MIPOL1: variants seen among roughly 807,000 people sequenced by gnomAD.
MIPOL1 encodes mirror-image polydactyly 1, also known as mirror-image polydactyly gene 1 protein.
A neutral mutation model predicts 60.9 loss-of-function variants in MIPOL1; 57 were observed. The ratio of observed to expected loss-of-function variants is 0.94; its 90% confidence interval spans 0.76 to 1.17. The LOEUF (loss-of-function observed/expected upper bound fraction) is 1.17. MIPOL1 is among the 50% of genes most tolerant of loss of function. The pLI, the probability that MIPOL1 is intolerant of heterozygous loss-of-function variation, is 0.00. For synonymous variants in MIPOL1, 179 were observed against 168.8 expected, an observed-to-expected ratio of 1.06 and a Z score of -0.47; for missense variants, 551 against 511.6, an observed-to-expected ratio of 1.08 and a Z score of -0.74.
intron 9 of MIPOL1, among the ~76,000 whole-genome samples, chr14:37,350,810 A>G (rs985519482): frequency 2.6e-5 from 4 of 152,158 alleles, no homozygotes; most frequent in African/African-American, 9.7e-5. Flanking sequence ...AGATCCCACA[A>G]ATAAGTGAGA....
At chr14:37,244,723 C>G (rs1283655528) in intron 1 of MIPOL1, among the ~76,000 whole-genome samples, 1 of 151,938 alleles carries the variant, frequency 6.6e-6, no homozygotes, top group Non-Finnish European at 1.5e-5. Context: ...ATCTGATTGT[C>G]TACTGTAAAA....
chr14:37,270,450 G>C lies in MIPOL1; in HGVS notation c.418G>C (p.Glu140Gln). 1 of 1,598,866 alleles carries C rather than the reference G, an allele frequency of 6.3e-7. No homozygotes were observed. Among genetic ancestry groups the C allele is most frequent in the South Asian group, 1.1e-5 (1 of 88,800 alleles). ...GCAGAAATTGGCTAAAGAAGATAAA[G>C]AACAGAGAAAACTAAAGTTTAAGCT... ...LQQKLAKEDK[E>Q]QRKLKFKLEL... is the part of the protein sequence containing the mutation. Residue 140 changes from glutamate (E) to glutamine (Q), a missense_variant, in exon 6 of 13, where the codon GAA becomes CAA. Physicochemically the swap from Glu to Gln is conservative, Grantham distance 29 (BLOSUM62 2). Transcript: ENST00000684589.
intron 10 of MIPOL1, among the ~76,000 whole-genome samples, chr14:37,375,893 C>A (rs1478021569): frequency 1.3e-5 from 2 of 152,032 alleles, no homozygotes; most frequent in Non-Finnish European, 2.9e-5. Context: ...TTTTCTGTCA[C>A]CATATCTCCA....
At position 37,481,560 on chromosome 14, in the gene MIPOL1, A is replaced by AACACACACACACAC. The variant is rs3062719; in HGVS notation, c.1032-18309_1032-18296dup. Among the ~76,000 whole-genome samples the AACACACACACACAC allele has an allele frequency of 2.6e-3, 297 of 113,184 alleles. 6 individuals are homozygous for AACACACACACACAC. Among genetic ancestry groups the AACACACACACACAC allele is most frequent in the African/African-American group, 6.6e-3 (182 of 27,662 alleles). The allele number at this position is 113,184 out of a possible 152,430, so 74.3% of individuals were successfully genotyped here. The stretch of plus-strand genomic sequence containing the variant: ...CATGGAACTCATATGGACCCCCCCC[A>AACACACACACACAC]ACACACACACACACACACACACACA... On this transcript the variant is annotated intron_variant, in intron 11 of 12. Transcript: ENST00000684589.
chr14:37,549,729 A>T lies in MIPOL1; in HGVS notation c.*2758A>T, dbSNP rs1314556715. ...TTTTCAATGAAGTACAATAATGTGA[A>T]CTGCATGTGTAAACAGCATCACATT... On this transcript the variant is annotated 3_prime_UTR_variant, in exon 13 of 13. Transcript: ENST00000684589. The T allele has an allele frequency of 6.6e-6, 1 of 151,996 alleles. No individual in the cohort carries two copies. The highest frequency in any genetic ancestry group is 1.5e-5 in the Non-Finnish European group (1 of 67,866). 9.4% of individuals were successfully genotyped at this position (151,996 alleles called of 1,614,324 possible). A position where few individuals can be genotyped will look rare whatever the true frequency, so the allele number is the denominator to read the frequency against.
At chr14:37,304,522 A>T (rs2086624404) in intron 7 of MIPOL1, among the ~76,000 whole-genome samples, 1 of 151,726 alleles carries the variant, frequency 6.6e-6, no homozygotes, top group African/African-American at 2.4e-5. Flanking sequence ...GTGTGTAGAA[A>T]ATGAGAGAGA....
chr14:37,220,819 G>A (rs993324109), intron 1 of MIPOL1, among the ~76,000 whole-genome samples: 64 of 151,804 alleles, frequency 4.2e-4, no homozygotes, highest in African/African-American at 1.3e-3. Flanking sequence ...TCTGTCCCCC[G>A]GGCTGGAGTG....
At chr14:37,211,784 G>T (rs745925240) in intron 1 of MIPOL1, among the ~76,000 whole-genome samples, 7 of 151,900 alleles carry the variant, frequency 4.6e-5, no homozygotes, top group Admixed American at 3.9e-4. Flanking sequence ...CTAACCCCAG[G>T]CTGCGTAGCT....
chr14:37,283,197 C>T (rs1172553195), intron 6 of MIPOL1, among the ~76,000 whole-genome samples: 1 of 152,134 alleles, frequency 6.6e-6, no homozygotes, highest in Non-Finnish European at 1.5e-5. Context: ...TCCTCAGTAG[C>T]TGAGATCACG....
At chr14:37,259,889 C>T (rs969739157) in intron 3 of MIPOL1, among the ~76,000 whole-genome samples, 13 of 152,058 alleles carry the variant, frequency 8.5e-5, no homozygotes, top group African/African-American at 3.1e-4. Flanking sequence ...ACCGGGACTA[C>T]CTCATTCTGC....
Position 37,546,899 on chromosome 14 carries a change from A to G in MIPOL1, c.1263-6A>G, listed in dbSNP as rs777852979. ...CCTTCTCACCCCCATCCCAACCCCA[A>G]CTTAGGTTGGAAAGGCTGGTGGATG... On this transcript the variant is annotated splice_polypyrimidine_tract_variant and splice_region_variant and intron_variant, in intron 12 of 12. Transcript: ENST00000684589. 2.5e-5 allele frequency: 40 copies of G among 1,612,580 alleles called. No homozygotes were observed. The highest frequency in any genetic ancestry group is 6.7e-5 in the East Asian group (3 of 44,828).
At chr14:37,407,842 C>T (rs1176447839) in intron 10 of MIPOL1, among the ~76,000 whole-genome samples, 83 of 58,080 alleles carry the variant, frequency 1.4e-3, no homozygotes, top group African/African-American at 4.3e-3. Flanking sequence ...TCTTCTTCTT[C>T]TTCTTTTTTT....
At chr14:37,477,596 A>G (rs917323447) in intron 11 of MIPOL1, among the ~76,000 whole-genome samples, 1 of 152,184 alleles carries the variant, frequency 6.6e-6, no homozygotes, top group African/African-American at 2.4e-5. Flanking sequence ...CAAAGTGTAA[A>G]ACTTTTTGAG....
At chr14:37,497,259 A>G (rs544022566) in intron 11 of MIPOL1, among the ~76,000 whole-genome samples, 7 of 152,310 alleles carry the variant, frequency 4.6e-5, no homozygotes, top group African/African-American at 1.4e-4. Context: ...CTAAAACACC[A>G]AAAGCAATGG....
rs955196109 is a variant in MIPOL1 at position 37,369,406 on chromosome 14, A to C, written c.829-111A>C. 1.6e-5 allele frequency: 10 copies of C among 620,260 alleles called. No homozygotes were observed. The African/African-American group carries it at 1.9e-4, about 12-fold the overall frequency. 38.4% of individuals were successfully genotyped at this position (620,260 alleles called of 1,614,324 possible). A position where few individuals can be genotyped will look rare whatever the true frequency, so the allele number is the denominator to read the frequency against. ...TACTTACCATTCTTGTTGCAAAAAA[A>C]AAACCTTGTCTTTTAGAGAATACAA... is the stretch of plus-strand genomic sequence containing the variant. On this transcript the variant is annotated intron_variant, in intron 9 of 12. Transcript: ENST00000684589.
At chr14:37,368,691 A>G (rs1220013493) in intron 9 of MIPOL1, among the ~76,000 whole-genome samples, 1 of 151,972 alleles carries the variant, frequency 6.6e-6, no homozygotes, top group Non-Finnish European at 1.5e-5. Flanking sequence ...GTGTCTTCCT[A>G]TTGTCCTGAT....
intron 11 of MIPOL1, among the ~76,000 whole-genome samples, chr14:37,445,077 T>G (rs1230238997): frequency 5.9e-5 from 9 of 152,194 alleles, no homozygotes; most frequent in African/African-American, 1.7e-4. Flanking sequence ...TCTGGCCAGG[T>G]CAATTAGGCA....
At chr14:37,217,569 G>T (rs1967955794) in intron 1 of MIPOL1, among the ~76,000 whole-genome samples, 1 of 152,140 alleles carries the variant, frequency 6.6e-6, no homozygotes, top group Non-Finnish European at 1.5e-5. Flanking sequence ...TTTTCCCTGG[G>T]ATACAGTGAT....
At chr14:37,246,740 A>G (rs1973257528) in intron 1 of MIPOL1, among the ~76,000 whole-genome samples, 1 of 152,112 alleles carries the variant, frequency 6.6e-6, no homozygotes, top group South Asian at 2.1e-4. Context: ...TGGCTTGAGC[A>G]GTATTAATTT....
Sources: gnomAD v4.1 joint callset for allele counts (sites outside exome capture counted in the v4.1 genomes callset) on GRCh38, gnomAD v4.1.1 for gene constraint, MANE v1.5 for transcripts, NCBI Gene and HGNC (gene_info 2026-07-23, HGNC 2026-07-21) for gene names.